Variants in KDELR2 observed in about 807,000 individuals in gnomAD.
KDELR2 encodes the protein ER lumen protein-retaining receptor 2.
KDELR2 carries 15 observed loss-of-function variants against 23.9 expected under a neutral mutation model. That is an observed-to-expected ratio of 0.63 (90% confidence interval 0.42 to 0.97). The LOEUF (loss-of-function observed/expected upper bound fraction) is 0.97. Ranked by LOEUF, KDELR2 falls within the 50% of genes least tolerant of loss-of-function variation. KDELR2 has a pLI of 0.00. For synonymous variants in KDELR2, 119 were observed against 106.2 expected, an observed-to-expected ratio of 1.12 and a Z score of -0.74; for missense variants, 272 against 254.6, an observed-to-expected ratio of 1.07 and a Z score of -0.46.
intron 1 of KDELR2, among the ~76,000 whole-genome samples, chr7:6,482,832 CAAAAAAAAAAAAA>C (rs10525658): frequency 8.1e-6 from 1 of 122,918 alleles, no homozygotes; most frequent in African/African-American, 2.8e-5. Context: ...CAAAAAATAG[CAAAAAAAAAAAAA>C]AAAAAAAAAG....
intron 2 of KDELR2, among the ~76,000 whole-genome samples, chr7:6,473,082 A>ATTTTTTTT (rs1206035683): frequency 1.7e-4 from 16 of 94,874 alleles, no homozygotes; most frequent in East Asian, 3.1e-4. Context: ...TAATTTTTGT[A>ATTTTTTTT]TTTTTTTTTT....
At position 6,474,239 on chromosome 7, in the gene KDELR2, G is replaced by C. The variant is rs755143501; in HGVS notation, c.137C>G (p.Thr46Ser). 5.6e-6 allele frequency: 9 copies of C among 1,613,858 alleles called. No homozygotes were observed. Among genetic ancestry groups the C allele is most frequent in the African/African-American group, 2.7e-5 (2 of 74,932 alleles). The change falls in exon 2 of 5, where the codon ACT (threonine) becomes AGT (serine). Residue 46 changes from threonine (T) to serine (S), a missense_variant. Thr to Ser is a moderately conservative substitution (Grantham distance 58, BLOSUM62 1). Coordinates refer to ENST00000258739, the MANE Select transcript of KDELR2 (RefSeq NM_006854.4). Reference protein sequence around the residue: ...SQLLFALVFTTRYLDLFTSFI... With the variant: ...SQLLFALVFTSRYLDLFTSFI... ...TGAAGTAAAAAGATCCAGGTAACGA[G>C]TTGTGAAGACCAGTGCAAACAGAAG...
intron 1 of KDELR2, among the ~76,000 whole-genome samples, chr7:6,476,733 C>A (rs913708030): frequency 6.6e-6 from 1 of 152,126 alleles, no homozygotes; most frequent in African/African-American, 2.4e-5. Context: ...TCTGAAGATA[C>A]CCTCCCTCAG....
chr7:6,464,800 A>T (rs1216785854), intron 4 of KDELR2, among the ~76,000 whole-genome samples: 1 of 138,382 alleles, frequency 7.2e-6, no homozygotes, highest in Non-Finnish European at 1.5e-5. Flanking sequence ...CAATGGCGTG[A>T]TATCAGCTCA....
intron 2 of KDELR2, among the ~76,000 whole-genome samples, chr7:6,473,105 A>T (rs61457866): frequency 0.54 from 40,924 of 76,018 alleles, 8,027 homozygotes; most frequent in African/African-American, 0.63. Context: ...TTTTTTTTTT[A>T]GAGACAGGGG....
intron 1 of KDELR2, among the ~76,000 whole-genome samples, chr7:6,481,799 C>T (rs79080474): frequency 0.15 from 23,506 of 152,026 alleles, 2,077 homozygotes; most frequent in Non-Finnish European, 0.2. Context: ...ATCTAAACAT[C>T]GTGGTTTGGT....
chr7:6,467,539 T>C (rs1021008313), intron 3 of KDELR2, among the ~76,000 whole-genome samples: 110 of 152,132 alleles, frequency 7.2e-4, no homozygotes, highest in African/African-American at 2.6e-3. Context: ...GACAGGCAGA[T>C]CACCTGAGAT....
In KDELR2 at chr7:6,469,742, C is replaced by A. The variant is rs1328710222; in HGVS notation, c.205G>T (p.Ala69Ser). 1 of 1,612,608 alleles carries A rather than the reference C, an allele frequency of 6.2e-7. No homozygotes were observed. The highest frequency in any genetic ancestry group is 8.5e-7 in the Non-Finnish European group (1 of 1,179,434). The part of the protein sequence containing the change: ...YNTSMKVIYL[A>S]CSYATVYLIY... The stretch of plus-strand genomic sequence containing the variant: ...AGGTACACTGTGGCATAGGAGCAGG[C>A]AAGGTAGATAACCTACAAATAAAAG... The change falls in exon 3 of 5, where the codon GCC (alanine) becomes TCC (serine). Residue 69 changes from alanine (A) to serine (S), a missense_variant. Ala to Ser is a moderately conservative substitution (Grantham distance 99). Transcript: ENST00000258739.
Position 6,484,043 on chromosome 7 carries a change from C to T in KDELR2, c.15G>A (p.Arg5=), listed in dbSNP as rs780603501. 4.8e-5 allele frequency: 73 copies of T among 1,519,042 alleles called. No homozygotes were observed. The highest frequency in any genetic ancestry group is 6.5e-5 in the Non-Finnish European group (73 of 1,130,636). The allele number at this position is 1,519,042 out of a possible 1,614,324, so 94.1% of individuals were successfully genotyped here. A position where few individuals can be genotyped will look rare whatever the true frequency, so the allele number is the denominator to read the frequency against. The change falls in exon 1 of 5, where the codon CGG becomes CGA. Residue 5 remains arginine, a synonymous_variant. Transcript: ENST00000258739. MNIF[R]LTGDLSHLAA... is the part of the protein sequence containing the mutation. ...CCAGGTGGGACAGGTCCCCAGTCAG[C>T]CGGAAAATGTTCATGGCGGCGGCGG... is the stretch of plus-strand genomic sequence containing the variant.
At chr7:6,463,764 A>AC (rs1562497726) in intron 4 of KDELR2, among the ~76,000 whole-genome samples, 1 of 151,554 alleles carries the variant, frequency 6.6e-6, no homozygotes, top group African/African-American at 2.4e-5. Flanking sequence ...AAAAAAAAAA[A>AC]AAAACACAAA....
chr7:6,471,176 G>GT (rs1161325162), intron 2 of KDELR2, among the ~76,000 whole-genome samples: 11,623 of 72,666 alleles, frequency 0.16, 1,861 homozygotes, highest in Non-Finnish European at 0.19. Context: ...ATTTGTTTCG[G>GT]TTTTTTTTTT....
intron 3 of KDELR2, 105 bp from the exon 4 acceptor site, chr7:6,466,428 A>T: frequency 6.9e-7 from 1 of 1,439,758 alleles, no homozygotes; most frequent in Non-Finnish European, 9.4e-7. Context: ...ATGAGTGGGG[A>T]GTGGGGCATG....
At chr7:6,463,227 AC>A (rs1209263503) in intron 4 of KDELR2, 52 bp from the exon 5 acceptor site, 5 of 1,455,070 alleles carry the variant, frequency 3.4e-6, no homozygotes, top group Non-Finnish European at 4.8e-6. Flanking sequence ...ATATTGACAA[AC>A]TTAGCTTCCT....
At chr7:6,473,087 T>TGTA (rs1354090220) in intron 2 of KDELR2, among the ~76,000 whole-genome samples, 2 of 142,946 alleles carry the variant, frequency 1.4e-5, no homozygotes, top group African/African-American at 2.6e-5. Context: ...TTTGTATTTT[T>TGTA]TTTTTTTTTT....
chr7:6,471,636 G>A (rs1451106515), intron 2 of KDELR2, among the ~76,000 whole-genome samples: 1 of 152,138 alleles, frequency 6.6e-6, no homozygotes, highest in Admixed American at 6.6e-5. Flanking sequence ...TTCACTTCAA[G>A]AACCTACCAA....
In KDELR2 at chr7:6,471,787, G is replaced by A. The variant is rs554507472; in HGVS notation, c.193-2033C>T. Among the ~76,000 whole-genome samples, 8 of 152,330 alleles carry A rather than the reference G, an allele frequency of 5.3e-5. No homozygotes were observed. In the South Asian group the frequency reaches 1.7e-3, roughly 32 times the overall value. ...GTGGTTTCTAATTTGGGAGGACAGTGGATAAAGCTGCTGTGAACATTTGCG... is the reference window on the plus strand; with the variant it reads ...GTGGTTTCTAATTTGGGAGGACAGTAGATAAAGCTGCTGTGAACATTTGCG... On this transcript the variant is annotated intron_variant, in intron 2 of 4. Coordinates refer to ENST00000258739, the MANE Select transcript of KDELR2 (RefSeq NM_006854.4).
intron 2 of KDELR2, among the ~76,000 whole-genome samples, chr7:6,471,133 AT>A (rs372260175): frequency 9.4e-5 from 14 of 148,200 alleles, no homozygotes; most frequent in South Asian, 2.1e-4. Flanking sequence ...TAAAAAATAA[AT>A]AAATAAATAA....
intron 4 of KDELR2, 73 bp downstream of exon 4, chr7:6,465,998 G>C (rs1785495188): frequency 1.3e-6 from 2 of 1,502,458 alleles, no homozygotes; most frequent in Admixed American, 1.8e-5. Flanking sequence ...TGCCAGATTA[G>C]AAGAGTGCTG....
chr7:6,464,376 G>A lies in KDELR2; in HGVS notation c.605-1201C>T, dbSNP rs1051652682. 5.8e-4 allele frequency among the ~76,000 whole-genome samples: 88 copies of A among 151,950 alleles called. 2 individuals are homozygous for A. The highest frequency in any genetic ancestry group is 2.0e-3 in the Admixed American group (30 of 15,230). On this transcript the variant is annotated intron_variant, in intron 4 of 4. Transcript: ENST00000258739. ...TCTATTAAAAATACAAAAATTAGCC[G>A]GGCGTGGTGGTGCGCACCTGTAATC...
Sources: allele counts gnomAD v4.1 joint callset (sites outside exome capture counted in the v4.1 genomes callset), GRCh38; gene constraint gnomAD v4.1.1; transcripts MANE v1.5; gene names NCBI Gene and HGNC (gene_info 2026-07-23, HGNC 2026-07-21).